The following CACNG2 variants were observed in gnomAD, a reference collection of about 807,000 sequenced individuals.
CACNG2 encodes the protein voltage-dependent calcium channel gamma-2 subunit.
CACNG2 carries 3 observed loss-of-function variants against 25.9 expected under a neutral mutation model. That is an observed-to-expected ratio of 0.12 (90% CI 0.05 to 0.30). The LOEUF is 0.30. Ranked by LOEUF, CACNG2 falls within the 10% of genes least tolerant of loss-of-function variation. CACNG2 has a pLI of 1.00. For synonymous variants in CACNG2, 167 were observed against 173.3 expected (o/e 0.96, Z 0.29); for missense variants, 341 against 432.5 (o/e 0.79, Z 1.88).
intron 1 of CACNG2, among the ~76,000 whole-genome samples, chr22:36,653,982 CTGTGTGTGTGTGTG>C (rs34435196): frequency 4.5e-5 from 6 of 134,206 alleles, no homozygotes; most frequent in South Asian, 5.1e-4. Context: ...GTGTGTGTCT[CTGTGTGTGTGTGTG>C]TGTGTGTGTG....
intron 2 of CACNG2, among the ~76,000 whole-genome samples, chr22:36,586,896 G>A (rs1268198904): frequency 6.6e-6 from 1 of 151,924 alleles, no homozygotes; most frequent in Non-Finnish European, 1.5e-5. Context: ...TAAGATTGCA[G>A]CTGTTACATC....
At chr22:36,639,201 C>T (rs1380987761) in intron 1 of CACNG2, among the ~76,000 whole-genome samples, 2 of 152,202 alleles carry the variant, frequency 1.3e-5, no homozygotes, top group Admixed American at 6.5e-5. Context: ...GAGCCAACAA[C>T]ACCCATCTTG....
chr22:36,619,584 C>T (rs776611402), intron 1 of CACNG2, among the ~76,000 whole-genome samples: 5 of 152,186 alleles, frequency 3.3e-5, no homozygotes, highest in Admixed American at 1.3e-4. Context: ...TAAAGACCAC[C>T]GTAATGTCAT....
intron 1 of CACNG2, among the ~76,000 whole-genome samples, chr22:36,670,917 T>C (rs73415693): frequency 0.024 from 3,661 of 150,722 alleles, 149 homozygotes; most frequent in African/African-American, 0.086. Flanking sequence ...CCAAAGTCTA[T>C]ATTCTTTTTT....
At chr22:36,674,484 A>G (rs975654039) in intron 1 of CACNG2, among the ~76,000 whole-genome samples, 20 of 152,046 alleles carry the variant, frequency 1.3e-4, no homozygotes, top group Admixed American at 1.1e-3. Context: ...GTGCACCACC[A>G]TGCTCAGCTA....
At chr22:36,668,035 G>A (rs1430804888) in intron 1 of CACNG2, among the ~76,000 whole-genome samples, 1 of 152,120 alleles carries the variant, frequency 6.6e-6, no homozygotes, top group Admixed American at 6.5e-5. Flanking sequence ...TTCAGATACC[G>A]CCACAGTCTC....
intron 1 of CACNG2, among the ~76,000 whole-genome samples, chr22:36,679,194 C>CT (rs1478350639): frequency 0.019 from 1,302 of 67,148 alleles, 18 homozygotes; most frequent in African/African-American, 0.047. Context: ...TCCTTCCTTC[C>CT]TTCCTTTCTT....
chr22:36,667,472 G>A (rs927553740), intron 1 of CACNG2, among the ~76,000 whole-genome samples: 1 of 152,130 alleles, frequency 6.6e-6, no homozygotes, highest in Non-Finnish European at 1.5e-5. Context: ...CCCCACTCCA[G>A]GCCAGCCCAA....
At chr22:36,594,828 ATCGG>A (rs1935651433) in intron 1 of CACNG2, among the ~76,000 whole-genome samples, 2 of 120,012 alleles carry the variant, frequency 1.7e-5, no homozygotes, top group African/African-American at 6.4e-5. Flanking sequence ...GTGTGTGTAC[ATCGG>A]TGTGTGTGTG....
chr22:36,663,354 A>C (rs1287067380), intron 1 of CACNG2, among the ~76,000 whole-genome samples: 1 of 152,162 alleles, frequency 6.6e-6, no homozygotes, highest in Non-Finnish European at 1.5e-5. Context: ...ACTTCGAGGA[A>C]AGGGCCACCC....
intron 1 of CACNG2, among the ~76,000 whole-genome samples, chr22:36,669,960 C>T (rs554030380): frequency 5.9e-5 from 9 of 152,260 alleles, no homozygotes; most frequent in East Asian, 5.8e-4. Context: ...ATGATCCACC[C>T]GCCTTGGCCT....
chr22:36,647,251 A>C (rs1936539432), intron 1 of CACNG2, among the ~76,000 whole-genome samples: 1 of 151,716 alleles, frequency 6.6e-6, no homozygotes, highest in Non-Finnish European at 1.5e-5. Context: ...GCCCTCAGTC[A>C]CTCTTGCTCC....
intron 1 of CACNG2, among the ~76,000 whole-genome samples, chr22:36,670,330 C>CTGTT (rs1251209183): frequency 3.3e-5 from 5 of 152,124 alleles, no homozygotes; most frequent in African/African-American, 1.2e-4. Flanking sequence ...ACAAGTTATG[C>CTGTT]TGTTAATTAC....
At chr22:36,603,468 CA>C (rs1935783906) in intron 1 of CACNG2, among the ~76,000 whole-genome samples, 1 of 152,192 alleles carries the variant, frequency 6.6e-6, no homozygotes, top group Admixed American at 6.5e-5. Flanking sequence ...AACAAATTTT[CA>C]AGGTAGATGC....
At chr22:36,679,364 G>A (rs1001585290) in intron 1 of CACNG2, among the ~76,000 whole-genome samples, 1 of 152,112 alleles carries the variant, frequency 6.6e-6, no homozygotes, top group Non-Finnish European at 1.5e-5. Context: ...GCCACTGAAT[G>A]CTGCCCTTTC....
At chr22:36,578,411 C>T (rs566835970) in intron 2 of CACNG2, among the ~76,000 whole-genome samples, 5 of 150,628 alleles carry the variant, frequency 3.3e-5, no homozygotes, top group East Asian at 1.9e-4. Flanking sequence ...AAACTCTAGG[C>T]GGGTGAAGCC....
At position 36,656,627 on chromosome 22, in the gene CACNG2, C is replaced by G. The variant is rs534930732; in HGVS notation, c.211+45739G>C. 2.6e-5 allele frequency among the ~76,000 whole-genome samples: 4 copies of G among 152,300 alleles called. No homozygotes were observed. The South Asian group carries it at 8.3e-4, about 32-fold the overall frequency. ...GCTCAAAGTCCTCCAACAGCTCCCA[C>G]GACGCTCAGAGCAAAAGCTGCTCTG... On this transcript the variant is annotated intron_variant, in intron 1 of 3. Coordinates refer to ENST00000300105, the MANE Select transcript of CACNG2 (RefSeq NM_006078.5).
At chr22:36,699,316 G>T (rs1937381755) in intron 1 of CACNG2, among the ~76,000 whole-genome samples, 1 of 151,430 alleles carries the variant, frequency 6.6e-6, no homozygotes, top group Admixed American at 6.6e-5. Flanking sequence ...AAGGGTGGTG[G>T]TTTTTTCCCT....
At chr22:36,665,616 A>C (rs554193358) in intron 1 of CACNG2, among the ~76,000 whole-genome samples, 2 of 152,376 alleles carry the variant, frequency 1.3e-5, no homozygotes, top group South Asian at 4.1e-4. Context: ...GCACATGAAA[A>C]GATGCTTAAT....
Sources: gnomAD v4.1 joint callset for allele counts (sites outside exome capture counted in the v4.1 genomes callset) on GRCh38, gnomAD v4.1.1 for gene constraint, MANE v1.5 for transcripts, NCBI Gene and HGNC (gene_info 2026-07-23, HGNC 2026-07-21) for gene names.